EMC7: variants seen among roughly 807,000 people sequenced by gnomAD.
The protein encoded by EMC7 is endoplasmic reticulum membrane protein complex subunit 7.
A neutral mutation model predicts 24.4 loss-of-function variants in EMC7; 4 were observed. The observed-to-expected ratio is 0.16, with a 90% confidence interval of 0.08 to 0.38. The LOEUF (loss-of-function observed/expected upper bound fraction) is 0.38. Ranked by LOEUF, EMC7 falls within the 10% of genes least tolerant of loss-of-function variation. The probability of loss-of-function intolerance (pLI) is 1.00; values close to 1 mark genes in which losing one functional copy is unlikely to be tolerated. For synonymous variants in EMC7, 106 were observed against 112.0 expected, an observed-to-expected ratio of 0.95 and a Z score of 0.34; for missense variants, 221 against 300.6, an observed-to-expected ratio of 0.74 and a Z score of 1.96.
intron 1 of EMC7, among the ~76,000 whole-genome samples, chr15:34,097,740 A>C (rs1396815538): frequency 6.6e-6 from 1 of 152,140 alleles, no homozygotes; most frequent in African/African-American, 2.4e-5. Flanking sequence ...GATGATATCC[A>C]CAACAGTTAC....
chr15:34,089,601 C>T (rs1900946828), intron 3 of EMC7, among the ~76,000 whole-genome samples: 4 of 152,216 alleles, frequency 2.6e-5, no homozygotes, highest in Admixed American at 2.0e-4. Flanking sequence ...GAAATCCTTA[C>T]TTGTGCTATC....
intron 1 of EMC7, among the ~76,000 whole-genome samples, chr15:34,097,254 C>T (rs557496419): frequency 1.2e-4 from 19 of 152,146 alleles, no homozygotes; most frequent in South Asian, 6.2e-4. Context: ...AGAATGGTCT[C>T]AATCTCCTGA....
rs1311744874 is a variant in EMC7 at position 34,088,104 on chromosome 15, T to C, written c.525A>G (p.Ile175Met). 1 of 1,612,640 alleles carries C rather than the reference T, an allele frequency of 6.2e-7. No individual in the cohort carries two copies. Among genetic ancestry groups the C allele is most frequent in the Non-Finnish European group, 8.5e-7 (1 of 1,179,566 alleles). Reference protein sequence around the residue: ...MVMMMVLPLLIFVLLPKVVNT... With the variant: ...MVMMMVLPLLMFVLLPKVVNT... ...TGACCACTTTAGGCAGAAGCACAAA[T>C]ATCAATAAAGGAAGAACCATCATCA... Residue 175 changes from isoleucine (I) to methionine (M), a missense_variant, in exon 4 of 5, where the codon ATA becomes ATG. Physicochemically the swap from Ile to Met is conservative, Grantham distance 10. Coordinates refer to ENST00000256545, the MANE Select transcript of EMC7 (RefSeq NM_020154.3).
At chr15:34,096,206 C>T (rs760806192) in intron 1 of EMC7, among the ~76,000 whole-genome samples, 192 bp from the exon 2 acceptor site, 14 of 152,188 alleles carry the variant, frequency 9.2e-5, no homozygotes, top group Non-Finnish European at 1.6e-4. Flanking sequence ...AGTCTCGCTG[C>T]GACGCTCAGG....
intron 2 of EMC7, among the ~76,000 whole-genome samples, chr15:34,090,826 A>G (rs1900964764): frequency 6.6e-6 from 1 of 152,220 alleles, no homozygotes; most frequent in African/African-American, 2.4e-5. Context: ...TATACCATAC[A>G]AAAATACTGG....
intron 3 of EMC7, 140 bp downstream of exon 3, chr15:34,090,177 T>A: frequency 1.3e-6 from 1 of 799,246 alleles, no homozygotes; most frequent in Non-Finnish European, 1.9e-6. Flanking sequence ...ACTATTCTTC[T>A]GAAATCTGCA....
At chr15:34,094,283 T>C (rs1901028038) in intron 2 of EMC7, among the ~76,000 whole-genome samples, 1 of 151,804 alleles carries the variant, frequency 6.6e-6, no homozygotes, top group Non-Finnish European at 1.5e-5. Context: ...GGCTCACACC[T>C]GTAATCCCAG....
chr15:34,091,298 C>A (rs1282114300), intron 2 of EMC7, among the ~76,000 whole-genome samples: 1 of 152,132 alleles, frequency 6.6e-6, no homozygotes, highest in East Asian at 1.9e-4. Flanking sequence ...TCTAATAATT[C>A]TACTATTTAA....
Position 34,098,157 on chromosome 15 carries a change from C to G in EMC7, c.237-2143G>C, listed in dbSNP as rs575792576. The stretch of plus-strand genomic sequence containing the variant: ...AAATGAGCTTAGTCTATTTTCCCCC[C>G]AGACCTCTCACTGACAGGCCACCTC... On this transcript the variant is annotated intron_variant, in intron 1 of 4. Transcript: ENST00000256545. 2.6e-5 allele frequency among the ~76,000 whole-genome samples: 4 copies of G among 152,264 alleles called. No individual in the cohort carries two copies. The South Asian group carries it at 8.3e-4, about 32-fold the overall frequency.
chr15:34,089,819 G>A (rs1437903572), intron 3 of EMC7, among the ~76,000 whole-genome samples: 9 of 152,206 alleles, frequency 5.9e-5, no homozygotes, highest in Admixed American at 2.0e-4. Flanking sequence ...AGCCGGGCGT[G>A]GTGGCACATG....
At chr15:34,089,766 G>A (rs3794593) in intron 3 of EMC7, among the ~76,000 whole-genome samples, 13,149 of 152,238 alleles carry the variant, frequency 0.086, 792 homozygotes, top group South Asian at 0.26. Flanking sequence ...AGACCAGCCT[G>A]GCCAAGATGG....
rs553769836 is a variant in EMC7 at position 34,097,039 on chromosome 15, C to CTTTTTTT, written c.237-1032_237-1026dup. Among the ~76,000 whole-genome samples, 36 of 97,564 alleles carry CTTTTTTT rather than the reference C, an allele frequency of 3.7e-4. 1 individual carries two copies. The highest frequency in any genetic ancestry group is 6.9e-4 in the Admixed American group (5 of 7,204). 64.0% of individuals were successfully genotyped at this position (97,564 alleles called of 152,430 possible). On this transcript the variant is annotated intron_variant, in intron 1 of 4. Coordinates refer to ENST00000256545, the MANE Select transcript of EMC7 (RefSeq NM_020154.3). ...CAATTTTTGGTTTTCTGTTCTTCTT[C>CTTTTTTT]TTTTTTTTTTTTGAGACGGAGTCTC...
intron 4 of EMC7, chr15:34,086,380 T>C: frequency 5.5e-6 from 1 of 183,268 alleles, no homozygotes; most frequent in Non-Finnish European, 1.2e-5. Flanking sequence ...CTGAAGCTCT[T>C]GAATCAACTT....
At chr15:34,085,267 T>C (rs891857306) in intron 4 of EMC7, among the ~76,000 whole-genome samples, 3 of 152,190 alleles carry the variant, frequency 2.0e-5, no homozygotes, top group South Asian at 2.1e-4. Flanking sequence ...AAAGAAGTCA[T>C]TGGCAAAACA....
intron 1 of EMC7, among the ~76,000 whole-genome samples, chr15:34,099,930 T>C (rs898739256): frequency 6.6e-6 from 1 of 152,120 alleles, no homozygotes; most frequent in Non-Finnish European, 1.5e-5. Flanking sequence ...TACATACAAA[T>C]AAAGAACATG....
At position 34,093,823 on chromosome 15, in the gene EMC7, ATT is replaced by A. The variant is rs753095506; in HGVS notation, c.356+2070_356+2071del. Reference sequence around the variant, plus strand: ...CACACACACATATATATATATATATATTTTTTTTTTTTTTTTTTTTGAGACAG... The same window carrying A: ...CACACACACATATATATATATATATATTTTTTTTTTTTTTTTTTGAGACAG... On this transcript the variant is annotated intron_variant, in intron 2 of 4. Transcript: ENST00000256545. Among the ~76,000 whole-genome samples the A allele has an allele frequency of 8.7e-3, 424 of 48,676 alleles. 13 individuals carry two copies. The highest frequency in any genetic ancestry group is 0.069 in the South Asian group (61 of 886). The allele number at this position is 48,676 out of a possible 152,430, so 31.9% of individuals were successfully genotyped here. A position where few individuals can be genotyped will look rare whatever the true frequency, so the allele number is the denominator to read the frequency against.
chr15:34,097,279 C>T (rs1901090894), intron 1 of EMC7, among the ~76,000 whole-genome samples: 1 of 152,108 alleles, frequency 6.6e-6, no homozygotes, highest in African/African-American at 2.4e-5. Context: ...GTGATCCGCC[C>T]GCCTCGGCCT....
intron 3 of EMC7, 39 bp from the exon 4 acceptor site, chr15:34,088,172 C>G (rs769237715): frequency 6.4e-7 from 1 of 1,554,112 alleles, no homozygotes; most frequent in East Asian, 2.3e-5. Context: ...TTTTCCCCCA[C>G]TTTACAGTTA....
At chr15:34,093,806 C>CACACACACACATATATAT (rs61440619) in intron 2 of EMC7, among the ~76,000 whole-genome samples, 1 of 30,250 alleles carries the variant, frequency 3.3e-5, no homozygotes, top group Non-Finnish European at 7.8e-5. Flanking sequence ...CACACACACA[C>CACACACACACATATATAT]ATATATATAT....
Sources: gnomAD v4.1 joint callset for allele counts (sites outside exome capture counted in the v4.1 genomes callset) on GRCh38, gnomAD v4.1.1 for gene constraint, MANE v1.5 for transcripts, NCBI Gene and HGNC (gene_info 2026-07-23, HGNC 2026-07-21) for gene names.